The following CRIM1 variants were observed in gnomAD, a reference collection of about 807,000 sequenced individuals.
CRIM1 encodes cysteine-rich motor neuron 1 protein.
A neutral mutation model predicts 116.4 loss-of-function variants in CRIM1; 32 were observed. That is an observed-to-expected ratio of 0.27 (90% confidence interval 0.21 to 0.37). The LOEUF (loss-of-function observed/expected upper bound fraction) is 0.37, where lower values mean the gene tolerates loss of function less well. CRIM1 is among the 10% of genes least tolerant of loss of function. The pLI, the probability that CRIM1 is intolerant of heterozygous loss-of-function variation, is 1.00. For missense variants in CRIM1, 1,331 were observed against 1,354.8 expected (o/e 0.98, Z 0.28); for synonymous variants, 590 against 509.2 (o/e 1.16, Z -2.13).
chr2:36,377,345 GC>G (rs1670402975), intron 1 of CRIM1, among the ~76,000 whole-genome samples: 1 of 152,172 alleles, frequency 6.6e-6, no homozygotes, highest in Admixed American at 6.5e-5. Flanking sequence ...AAGAAAACCT[GC>G]CCAGTAGAAA....
chr2:36,525,965 T>C (rs1417311508), intron 13 of CRIM1, among the ~76,000 whole-genome samples: 2 of 152,226 alleles, frequency 1.3e-5, no homozygotes, highest in Non-Finnish European at 2.9e-5. Context: ...ATGATAATGC[T>C]TCTCTTTTGA....
chr2:36,363,523 G>A (rs1395279985), intron 1 of CRIM1, among the ~76,000 whole-genome samples: 4 of 97,502 alleles, frequency 4.1e-5, no homozygotes, highest in Non-Finnish European at 6.7e-5. Flanking sequence ...TTCAGCAGTC[G>A]TCGCCGCCCC....
At chr2:36,464,426 G>T (rs193233319) in intron 4 of CRIM1, 108 bp from the exon 5 acceptor site, 2 of 1,138,598 alleles carry the variant, frequency 1.8e-6, no homozygotes, top group Non-Finnish European at 2.6e-6. Context: ...AGGCAGTGTC[G>T]TATAGACCAG....
At chr2:36,439,871 A>G (rs931968898) in intron 2 of CRIM1, among the ~76,000 whole-genome samples, 2 of 152,110 alleles carry the variant, frequency 1.3e-5, no homozygotes, top group South Asian at 4.1e-4. Context: ...CCACCACCAT[A>G]TCAACTAACA....
intron 1 of CRIM1, among the ~76,000 whole-genome samples, chr2:36,390,329 G>A (rs3770940): frequency 0.32 from 48,950 of 152,068 alleles, 9,513 homozygotes; most frequent in African/African-American, 0.54. Flanking sequence ...ATGCATCTGT[G>A]TGTATAGAGG....
intron 1 of CRIM1, among the ~76,000 whole-genome samples, chr2:36,381,340 T>C (rs533884710): frequency 1.3e-5 from 2 of 152,010 alleles, no homozygotes; most frequent in Non-Finnish European, 2.9e-5. Context: ...ACTCCCACAC[T>C]GGGGGCGGGG....
At chr2:36,537,974 A>C (rs1666671442) in intron 14 of CRIM1, among the ~76,000 whole-genome samples, 1 of 152,336 alleles carries the variant, frequency 6.6e-6, no homozygotes, top group Non-Finnish European at 1.5e-5. Flanking sequence ...TTTAAAGAAT[A>C]TAGTTCTGGT....
chr2:36,358,886 G>T (rs1224737331), intron 1 of CRIM1, among the ~76,000 whole-genome samples: 1 of 152,074 alleles, frequency 6.6e-6, no homozygotes, highest in Non-Finnish European at 1.5e-5. Context: ...ATTTTCAATC[G>T]TGTGTTTACA....
chr2:36,381,770 G>A (rs1299262630), intron 1 of CRIM1, among the ~76,000 whole-genome samples: 1 of 152,332 alleles, frequency 6.6e-6, no homozygotes, highest in African/African-American at 2.4e-5. Context: ...CTGTATGATA[G>A]AGTGAGACTT....
In CRIM1 at chr2:36,510,217, T is replaced by G. The variant is rs530947765; in HGVS notation, c.1658+78T>G. On this transcript the variant is annotated intron_variant, in intron 9 of 16. Transcript: ENST00000280527. ...GTTTCTACACATTTTGTTTTATATG[T>G]TGTTTGTGAATTAATCTATGGTATA... 108 of 1,411,234 alleles carry G rather than the reference T, an allele frequency of 7.7e-5. 1 individual carries two copies. In the South Asian group the frequency reaches 1.3e-3, roughly 17 times the overall value. 87.4% of individuals were successfully genotyped at this position (1,411,234 alleles called of 1,614,324 possible). A position where few individuals can be genotyped will look rare whatever the true frequency, so the allele number is the denominator to read the frequency against.
At position 36,400,044 on chromosome 2, in the gene CRIM1, G is replaced by A. The variant is rs555026879; in HGVS notation, c.505+3257G>A. Among the ~76,000 whole-genome samples the A allele has an allele frequency of 2.6e-5, 4 of 152,316 alleles. No homozygotes were observed. In the South Asian group the frequency reaches 8.3e-4, roughly 32 times the overall value. ...GTAGGTGTGCAGTTTAGGTAGAGAGGTAGCCGGTTGGGTATTTTCTTGACC... is the reference window on the plus strand; with the variant it reads ...GTAGGTGTGCAGTTTAGGTAGAGAGATAGCCGGTTGGGTATTTTCTTGACC... On this transcript the variant is annotated intron_variant, in intron 2 of 16. Transcript: ENST00000280527.
chr2:36,402,225 G>A (rs1268753610), intron 2 of CRIM1, among the ~76,000 whole-genome samples: 1 of 152,282 alleles, frequency 6.6e-6, no homozygotes, highest in East Asian at 1.9e-4. Context: ...CTGTGATAGA[G>A]AATTACTTGG....
At chr2:36,509,928 A>C (rs553147837) in intron 8 of CRIM1, 55 bp from the exon 9 acceptor site, 2 of 1,512,152 alleles carry the variant, frequency 1.3e-6, no homozygotes, top group South Asian at 2.5e-5. Flanking sequence ...TCAGCATCGA[A>C]GTGTTCTGCT....
chr2:36,479,724 G>A (rs376527424), intron 7 of CRIM1, 30 bp downstream of exon 7: 4 of 1,596,384 alleles, frequency 2.5e-6, no homozygotes, highest in South Asian at 1.1e-5. Flanking sequence ...ATGAGTCCCT[G>A]GTGAATGTCT....
chr2:36,477,434 G>C (rs1367923099), intron 6 of CRIM1, among the ~76,000 whole-genome samples: 3 of 152,188 alleles, frequency 2.0e-5, no homozygotes, highest in Non-Finnish European at 2.9e-5. Context: ...CCTCACCTCA[G>C]ATTGCTCAGT....
chr2:36,548,465 A>G (rs1019045952), intron 16 of CRIM1, 60 bp from the exon 17 acceptor site: 3 of 1,326,260 alleles, frequency 2.3e-6, no homozygotes, highest in African/African-American at 3.0e-5. Flanking sequence ...ATTTCTGTTC[A>G]TTTGAGATAA....
intron 1 of CRIM1, among the ~76,000 whole-genome samples, chr2:36,379,626 G>A (rs750898644): frequency 3.9e-5 from 6 of 152,030 alleles, no homozygotes; most frequent in African/African-American, 1.4e-4. Context: ...AGTTAATTCC[G>A]GAAAACATAT....
chr2:36,504,701 A>G (rs886976941), intron 8 of CRIM1, among the ~76,000 whole-genome samples: 6 of 152,232 alleles, frequency 3.9e-5, no homozygotes, highest in African/African-American at 1.4e-4. Context: ...TAAAGCAACT[A>G]GTAACCTAAC....
intron 5 of CRIM1, among the ~76,000 whole-genome samples, chr2:36,471,396 T>C (rs539521457): frequency 2.6e-5 from 4 of 152,298 alleles, no homozygotes; most frequent in African/African-American, 9.6e-5. Flanking sequence ...AACTTCATTA[T>C]TGTGTTATTT....
Sources: gnomAD v4.1 joint callset for allele counts (sites outside exome capture counted in the v4.1 genomes callset) on GRCh38, gnomAD v4.1.1 for gene constraint, MANE v1.5 for transcripts, NCBI Gene and HGNC (gene_info 2026-07-23, HGNC 2026-07-21) for gene names.